The following DCAF8L2 variants were observed in gnomAD, a reference collection of about 807,000 sequenced individuals.
The protein encoded by DCAF8L2 is DDB1- and CUL4-associated factor 8-like protein 2.
For synonymous variants in DCAF8L2, 200 were observed against 190.9 expected (o/e 1.05, Z -0.39); for missense variants, 430 against 490.7 (o/e 0.88, Z 1.17).
At chrX:27,670,580 A>G (rs1019904103) in intron 2 of DCAF8L2, among the ~76,000 whole-genome samples, 2 of 111,635 alleles carry the variant, frequency 1.8e-5, no homozygotes, top group Non-Finnish European at 3.8e-5. Flanking sequence ...TCAAGGAAAG[A>G]ATCTACATAA....
chrX:27,654,505 T>C (rs1298308122), intron 2 of DCAF8L2, among the ~76,000 whole-genome samples: 1 of 112,198 alleles, frequency 8.9e-6, no homozygotes, highest in Non-Finnish European at 1.9e-5. Flanking sequence ...AGAATGCAGG[T>C]TGTTTCACAC....
chrX:27,619,614 T>G (rs983716231), intron 1 of DCAF8L2, among the ~76,000 whole-genome samples: 12 of 111,989 alleles, frequency 1.1e-4, no homozygotes, highest in African/African-American at 3.2e-4. Flanking sequence ...AATTCAGGTC[T>G]AGACGCTGCT....
At chrX:27,566,205 G>A in the DCAF8L2 span, among the ~76,000 whole-genome samples, 1 of 107,162 alleles carries the variant, frequency 9.3e-6, no homozygotes, top group Non-Finnish European at 1.9e-5. Context: ...CTGTGTGTAT[G>A]TGAAACTTAT....
At chrX:27,606,772 GAC>G (rs1429011075) in intron 1 of DCAF8L2, among the ~76,000 whole-genome samples, 1 of 110,876 alleles carries the variant, frequency 9.0e-6, no homozygotes, top group Non-Finnish European at 1.9e-5. Context: ...CACTTCTAGT[GAC>G]TGATTTTTTT....
chrX:27,512,558 C>T, the DCAF8L2 span, among the ~76,000 whole-genome samples: 5 of 105,464 alleles, frequency 4.7e-5, no homozygotes, highest in African/African-American at 1.7e-4. Flanking sequence ...GTGGTGGGCA[C>T]CTGCGATTCC....
intron 4 of DCAF8L2, among the ~76,000 whole-genome samples, chrX:27,719,039 T>A (rs1235047995): frequency 8.9e-6 from 1 of 112,303 alleles, no homozygotes; most frequent in Non-Finnish European, 1.9e-5. Context: ...AAAGTCTTTC[T>A]GTAGACCTAT....
intron 1 of DCAF8L2, among the ~76,000 whole-genome samples, chrX:27,608,259 C>A (rs905917359): frequency 1.8e-5 from 2 of 111,197 alleles, no homozygotes; most frequent in Non-Finnish European, 3.8e-5. Context: ...GTTTTCACTG[C>A]TGAAAATGTT....
the DCAF8L2 span, among the ~76,000 whole-genome samples, chrX:27,563,790 A>G: frequency 1.8e-5 from 2 of 112,037 alleles, no homozygotes; most frequent in African/African-American, 6.5e-5. Context: ...ATAATAATAG[A>G]TCATTTTAAT....
chrX:27,508,625 A>G, the DCAF8L2 span, among the ~76,000 whole-genome samples: 1 of 105,813 alleles, frequency 9.5e-6, no homozygotes, highest in Admixed American at 1.1e-4. Context: ...TTACTGGAGT[A>G]TTCTCTGTCA....
At chrX:27,622,275 A>G (rs1927803593) in intron 1 of DCAF8L2, among the ~76,000 whole-genome samples, 1 of 101,019 alleles carries the variant, frequency 9.9e-6, no homozygotes, top group African/African-American at 4.4e-5. Context: ...ATACAAAAAA[A>G]TTAGCCGGGC....
At chrX:27,524,593 G>T in the DCAF8L2 span, among the ~76,000 whole-genome samples, 2 of 110,194 alleles carry the variant, frequency 1.8e-5, no homozygotes, top group Non-Finnish European at 3.8e-5. Flanking sequence ...GTTTGCTCTT[G>T]CTTCTCTAGT....
intron 1 of DCAF8L2, among the ~76,000 whole-genome samples, chrX:27,624,198 C>A (rs999963205): frequency 9.0e-6 from 1 of 111,524 alleles, no homozygotes; most frequent in African/African-American, 3.3e-5. Flanking sequence ...GATTATCAGT[C>A]ACAGTAGAGT....
chrX:27,587,985 A>AAAAAAAAAAATATATATATAT, upstream of DCAF8L2, among the ~76,000 whole-genome samples: 7 of 22,359 alleles, frequency 3.1e-4, no homozygotes, highest in Admixed American at 6.3e-4. Flanking sequence ...TAAAAAAAAA[A>AAAAAAAAAAATATATATATAT]ATATATATAT....
At chrX:27,642,604 G>T (rs1383218965) in intron 2 of DCAF8L2, among the ~76,000 whole-genome samples, 4 of 110,960 alleles carry the variant, frequency 3.6e-5, no homozygotes, top group Admixed American at 9.6e-5. Context: ...CCATCAAAAC[G>T]CCAGATACCT....
chrX:27,748,734 C>T lies in DCAF8L2; in HGVS notation c.1839C>T (p.Ser613=), dbSNP rs746884686. ...FPDEESDESS[S]TSETSEEEVQ... The stretch of plus-strand genomic sequence containing the variant: ...ATGAAGAATCGGATGAGTCTTCCAG[C>T]ACTTCAGAGACATCTGAGGAGGAGG... The change falls in exon 5 of 5, where the codon AGC becomes AGT. Residue 613 remains serine, a synonymous_variant. Coordinates refer to ENST00000451261, the MANE Select transcript of DCAF8L2 (RefSeq NM_001353450.2). 17 of 1,202,895 alleles carry T rather than the reference C, an allele frequency of 1.4e-5. No individual in the cohort carries two copies. The South Asian group carries it at 2.2e-4, about 15-fold the overall frequency.
the DCAF8L2 span, chrX:27,517,733 T>G: frequency 1.9e-6 from 2 of 1,077,784 alleles, no homozygotes; most frequent in Non-Finnish European, 2.6e-6. Context: ...GTGGTTCAGC[T>G]TATGCAGAAC....
intron 4 of DCAF8L2, among the ~76,000 whole-genome samples, chrX:27,724,347 T>C (rs1931999563): frequency 9.0e-6 from 1 of 111,230 alleles, no homozygotes; most frequent in Non-Finnish European, 1.9e-5. Flanking sequence ...AGAGGCTTTA[T>C]ATATTTCTCA....
the DCAF8L2 span, among the ~76,000 whole-genome samples, chrX:27,504,222 T>C: frequency 5.0e-3 from 557 of 112,354 alleles, 3 homozygotes; most frequent in African/African-American, 0.017. Context: ...AATTCTAGCA[T>C]TTTATAAGTA....
Position 27,697,880 on chromosome X carries a change from A to G in DCAF8L2, c.-142-18208A>G, listed in dbSNP as rs1280579953. 1.8e-5 allele frequency among the ~76,000 whole-genome samples: 2 copies of G among 111,206 alleles called. 1 individual carries two copies. The highest frequency in any genetic ancestry group is 3.8e-5 in the Non-Finnish European group (2 of 53,057). On this transcript the variant is annotated intron_variant, in intron 3 of 4. Coordinates refer to ENST00000451261, the MANE Select transcript of DCAF8L2 (RefSeq NM_001353450.2). ...AAGAAGAAAGAGAGAAAGAAAAAGA[A>G]TGAAAGAACAATGATATTCGCATAA...
Sources: allele counts gnomAD v4.1 joint callset (sites outside exome capture counted in the v4.1 genomes callset), GRCh38; gene constraint gnomAD v4.1.1; transcripts MANE v1.5; gene names NCBI Gene and HGNC (gene_info 2026-07-23, HGNC 2026-07-21).